CNDP1: variants seen among roughly 807,000 people sequenced by gnomAD.
CNDP1 encodes carnosine dipeptidase 1, also known as beta-Ala-His dipeptidase.
A neutral mutation model predicts 58.1 loss-of-function variants in CNDP1; 44 were observed. The ratio of observed to expected loss-of-function variants is 0.76; its 90% confidence interval spans 0.60 to 0.97. CNDP1 has a LOEUF of 0.97. CNDP1 is among the 50% of genes least tolerant of loss of function. The probability of loss-of-function intolerance (pLI) is 0.00; values close to 1 mark genes in which losing one functional copy is unlikely to be tolerated. For synonymous variants in CNDP1, 254 were observed against 252.6 expected, an observed-to-expected ratio of 1.01 and a Z score of -0.05; for missense variants, 616 against 655.1, an observed-to-expected ratio of 0.94 and a Z score of 0.65.
At chr18:74,556,103 T>A (rs1464003913) in intron 1 of CNDP1, among the ~76,000 whole-genome samples, 2 of 152,126 alleles carry the variant, frequency 1.3e-5, no homozygotes, top group African/African-American at 2.4e-5. Context: ...TATTTAAAGA[T>A]GAGCTTGTTA....
chr18:74,543,150 T>C (rs1251100595), intron 1 of CNDP1, among the ~76,000 whole-genome samples: 3 of 152,168 alleles, frequency 2.0e-5, no homozygotes, highest in Admixed American at 6.6e-5. Flanking sequence ...AACACCCATA[T>C]TAAAGAATGA....
intron 6 of CNDP1, among the ~76,000 whole-genome samples, chr18:74,569,101 C>T (rs1402018500): frequency 6.6e-6 from 1 of 152,078 alleles, no homozygotes; most frequent in Non-Finnish European, 1.5e-5. Context: ...AGCAACGTTA[C>T]AAGAGAGGAC....
Position 74,578,143 on chromosome 18 carries a change from A to G in CNDP1, c.1003-20A>G, listed in dbSNP as rs770257002. 4 of 1,595,058 alleles carry G rather than the reference A, an allele frequency of 2.5e-6. No individual in the cohort carries two copies. Among genetic ancestry groups the G allele is most frequent in the Admixed American group, 1.8e-5 (1 of 56,078 alleles). ...TGGGTTCTAATTAAGCATCCTTTGG[A>G]TAATTTTATTTTAATATAGGAGGAG... On this transcript the variant is annotated intron_variant, in intron 8 of 11. Transcript: ENST00000358821.
chr18:74,542,236 G>C (rs532482758), intron 1 of CNDP1, among the ~76,000 whole-genome samples: 1 of 152,258 alleles, frequency 6.6e-6, no homozygotes, highest in African/African-American at 2.4e-5. Context: ...AGGTTTGCTT[G>C]TTGAGCTCCT....
chr18:74,571,271 G>T lies in CNDP1; in HGVS notation c.841+1G>T. On this transcript the variant is annotated splice_donor_variant, in intron 7 of 11. Coordinates refer to ENST00000358821, the MANE Select transcript of CNDP1 (RefSeq NM_032649.6). LOFTEE classifies it high-confidence loss of function. ...ATGGCTGATCTGGTTGCTCTTCTCGGTAATGCCTTATTTTGTTTCACTTTT... is the reference window on the plus strand; with the variant it reads ...ATGGCTGATCTGGTTGCTCTTCTCGTTAATGCCTTATTTTGTTTCACTTTT... 1.3e-6 allele frequency: 2 copies of T among 1,599,616 alleles called. No homozygotes were observed. The highest frequency in any genetic ancestry group is 1.7e-6 in the Non-Finnish European group (2 of 1,167,052).
chr18:74,578,269 T>C lies in CNDP1; in HGVS notation c.1109T>C (p.Ile370Thr), dbSNP rs1405299070. The part of the protein sequence containing the change: ...GTKTVIPGRV[I>T]GKFSIRLVPH... ...AAAACAGTCATACCTGGCCGAGTTA[T>C]AGGAAAATTTTCAATCCGTCTAGTC... The change falls in exon 9 of 12, where the codon ATA (isoleucine) becomes ACA (threonine). Residue 370 changes from isoleucine (I) to threonine (T), a missense_variant. Physicochemically the swap from Ile to Thr is moderately conservative, Grantham distance 89. Coordinates refer to ENST00000358821, the MANE Select transcript of CNDP1 (RefSeq NM_032649.6). The C allele has an allele frequency of 8.7e-6, 14 of 1,613,922 alleles. No individual in the cohort carries two copies. The highest frequency in any genetic ancestry group is 1.2e-5 in the Non-Finnish European group (14 of 1,180,014).
chr18:74,555,617 T>C, intron 1 of CNDP1, among the ~76,000 whole-genome samples: 1 of 151,932 alleles, frequency 6.6e-6, no homozygotes, highest in South Asian at 2.1e-4. Flanking sequence ...GACACCCAGG[T>C]GGAGTCATCC....
At chr18:74,575,866 C>CT (rs1981622618) in intron 7 of CNDP1, among the ~76,000 whole-genome samples, 14 of 50,140 alleles carry the variant, frequency 2.8e-4, no homozygotes, top group African/African-American at 6.6e-4. Flanking sequence ...TGTGTGTATA[C>CT]ATTTTTTTTT....
At chr18:74,559,264 C>G (rs562363833) in intron 2 of CNDP1, 59 bp from the exon 3 acceptor site, 2 of 1,578,194 alleles carry the variant, frequency 1.3e-6, no homozygotes, top group Admixed American at 3.4e-5. Flanking sequence ...TCCCTTCGCT[C>G]CCCCCGCAGA....
chr18:74,552,753 G>C (rs553798758), intron 1 of CNDP1, among the ~76,000 whole-genome samples: 2 of 152,112 alleles, frequency 1.3e-5, no homozygotes, highest in Non-Finnish European at 2.9e-5. Context: ...CCACTTACCA[G>C]TTTTTGTGTG....
intron 7 of CNDP1, among the ~76,000 whole-genome samples, chr18:74,572,724 G>A (rs1981510743): frequency 6.8e-6 from 1 of 146,552 alleles, no homozygotes; most frequent in Admixed American, 6.9e-5. Context: ...GAAGGCAGAG[G>A]TTGCAGTGAG....
At chr18:74,572,397 G>T (rs895714853) in intron 7 of CNDP1, among the ~76,000 whole-genome samples, 1 of 152,036 alleles carries the variant, frequency 6.6e-6, no homozygotes, top group Non-Finnish European at 1.5e-5. Context: ...TTCATAATTT[G>T]GTGTTCTTTT....
intron 7 of CNDP1, chr18:74,576,194 C>T (rs1303355787): frequency 2.0e-5 from 3 of 150,850 alleles, no homozygotes; most frequent in Non-Finnish European, 4.4e-5. Context: ...GAGACAGAGT[C>T]TGACTTTATC....
chr18:74,578,063 C>T (rs1284884136), intron 8 of CNDP1, 100 bp from the exon 9 acceptor site: 5 of 1,085,184 alleles, frequency 4.6e-6, no homozygotes, highest in Non-Finnish European at 6.7e-6. Flanking sequence ...GTTAACGTGT[C>T]CTGAATGGTG....
chr18:74,578,893 TAGA>T (rs1447520742), intron 9 of CNDP1, among the ~76,000 whole-genome samples: 1 of 152,172 alleles, frequency 6.6e-6, no homozygotes, highest in Non-Finnish European at 1.5e-5. Flanking sequence ...AAATATTTTC[TAGA>T]AGGAGTTATG....
chr18:74,569,253 C>G (rs1044796008), intron 6 of CNDP1, among the ~76,000 whole-genome samples: 6 of 152,224 alleles, frequency 3.9e-5, no homozygotes, highest in African/African-American at 1.2e-4. Flanking sequence ...GAAGATTGCT[C>G]TGGTGCCACA....
At chr18:74,575,090 A>G (rs1214088093) in intron 7 of CNDP1, among the ~76,000 whole-genome samples, 6 of 151,536 alleles carry the variant, frequency 4.0e-5, no homozygotes, top group Non-Finnish European at 7.4e-5. Context: ...GAAAGGAAGG[A>G]AGGAAAGAAA....
intron 1 of CNDP1, among the ~76,000 whole-genome samples, chr18:74,550,950 G>A (rs1980889727): frequency 6.6e-6 from 1 of 151,980 alleles, no homozygotes; most frequent in African/African-American, 2.4e-5. Context: ...AGGGGCCAGT[G>A]ACAGAATGAT....
At position 74,567,451 on chromosome 18, in the gene CNDP1, T is replaced by C. The variant is rs759234376; in HGVS notation, c.756+18T>C. On this transcript the variant is annotated intron_variant, in intron 6 of 11. Coordinates refer to ENST00000358821, the MANE Select transcript of CNDP1 (RefSeq NM_032649.6). The stretch of plus-strand genomic sequence containing the variant: ...TGGTGGAGGTATCCACAGAGAGCAG[T>C]GCATGGATGGAGGCCTGTGGGGGTT... 1.2e-6 allele frequency: 2 copies of C among 1,600,738 alleles called. No individual in the cohort carries two copies. The highest frequency in any genetic ancestry group is 1.7e-6 in the Non-Finnish European group (2 of 1,167,928).
Sources: gnomAD v4.1 joint callset for allele counts (sites outside exome capture counted in the v4.1 genomes callset) on GRCh38, gnomAD v4.1.1 for gene constraint, MANE v1.5 for transcripts, NCBI Gene and HGNC (gene_info 2026-07-23, HGNC 2026-07-21) for gene names.